Variants in OR10R2 observed in about 807,000 individuals in gnomAD.
OR10R2 encodes olfactory receptor family 10 subfamily R member 2, also known as olfactory receptor 10R2.
OR10R2 carries 1 observed loss-of-function variant against 2.4 expected under a neutral mutation model. That is an observed-to-expected ratio of 0.41 (90% CI 0.15 to 1.95). The LOEUF (loss-of-function observed/expected upper bound fraction) is 1.95, where lower values mean the gene tolerates loss of function less well. Among genes scored for constraint, OR10R2 ranks in the 30% most tolerant of loss-of-function variants. The probability of loss-of-function intolerance (pLI) is 0.30; values close to 1 mark genes in which losing one functional copy is unlikely to be tolerated. For synonymous variants in OR10R2, 166 were observed against 144.8 expected, an observed-to-expected ratio of 1.15 and a Z score of -1.05; for missense variants, 419 against 373.0, an observed-to-expected ratio of 1.12 and a Z score of -1.01.
At chr1:158,472,832 A>C (rs1656189372) in intron 1 of OR10R2, among the ~76,000 whole-genome samples, 1 of 152,206 alleles carries the variant, frequency 6.6e-6, no homozygotes, top group African/African-American at 2.4e-5. Flanking sequence ...CAGAATGGTC[A>C]AAAAGGCTAT....
exon 2 of OR10R2, chr1:158,480,497 T>C: frequency 6.2e-7 from 1 of 1,613,646 alleles, no homozygotes; most frequent in South Asian, 1.1e-5. Flanking sequence ...GTCATTCTTC[T>C]GGCTTGTACC....
intron 1 of OR10R2, among the ~76,000 whole-genome samples, chr1:158,476,361 G>T (rs10797010): frequency 6.6e-6 from 1 of 151,300 alleles, no homozygotes; most frequent in African/African-American, 2.4e-5. Context: ...TCCTGGCTAA[G>T]GCGGTGAAAC....
chr1:158,472,486 G>A (rs558206730), intron 1 of OR10R2, 134 bp downstream of exon 1: 17 of 396,900 alleles, frequency 4.3e-5, no homozygotes, highest in Non-Finnish European at 6.7e-5. Flanking sequence ...TAAGATATAC[G>A]GCAACTGCAT....
chr1:158,479,640 T>G (rs1354895790), intron 1 of OR10R2, among the ~76,000 whole-genome samples: 1 of 152,168 alleles, frequency 6.6e-6, no homozygotes, highest in African/African-American at 2.4e-5. Context: ...GAAAGTCAAC[T>G]GACAATAAAA....
chr1:158,472,411 A>G, intron 1 of OR10R2, 59 bp downstream of exon 1: 1 of 398,942 alleles, frequency 2.5e-6, no homozygotes, highest in Non-Finnish European at 4.4e-6. Flanking sequence ...GATGTGTAAT[A>G]TATTGGGAAT....
intron 1 of OR10R2, among the ~76,000 whole-genome samples, chr1:158,479,387 A>G (rs1477409924): frequency 1.3e-5 from 2 of 152,296 alleles, no homozygotes; most frequent in East Asian, 3.9e-4. Flanking sequence ...CATATATTTT[A>G]TAATTTAACC....
At chr1:158,478,814 C>G (rs1374641635) in intron 1 of OR10R2, among the ~76,000 whole-genome samples, 2 of 152,130 alleles carry the variant, frequency 1.3e-5, no homozygotes, top group Non-Finnish European at 2.9e-5. Context: ...TAGTCATAAT[C>G]TGTTTGCTCA....
intron 1 of OR10R2, among the ~76,000 whole-genome samples, chr1:158,479,274 G>T (rs1178246844): frequency 6.6e-6 from 1 of 152,070 alleles, no homozygotes; most frequent in Non-Finnish European, 1.5e-5. Flanking sequence ...AGCCTGCTGG[G>T]ATTTGTTAAG....
intron 1 of OR10R2, among the ~76,000 whole-genome samples, chr1:158,475,727 C>A (rs944993084): frequency 2.0e-5 from 3 of 151,434 alleles, no homozygotes; most frequent in African/African-American, 7.3e-5. Flanking sequence ...TTATTTTACA[C>A]CAATTGTTGC....
chr1:158,474,158 G>T (rs1571291823), intron 1 of OR10R2, among the ~76,000 whole-genome samples: 1 of 151,876 alleles, frequency 6.6e-6, no homozygotes. Context: ...CTTCTGAGTT[G>T]AACTGTTTCA....
intron 1 of OR10R2, among the ~76,000 whole-genome samples, chr1:158,478,029 A>G (rs1557876211): frequency 1.3e-5 from 2 of 152,174 alleles, no homozygotes; most frequent in Admixed American, 6.6e-5. Flanking sequence ...GATCTTCAAC[A>G]AGGCTGACAA....
chr1:158,476,304 T>C (rs1463694326), intron 1 of OR10R2, among the ~76,000 whole-genome samples: 1 of 151,978 alleles, frequency 6.6e-6, no homozygotes, highest in Non-Finnish European at 1.5e-5. Context: ...CCCCAGCACT[T>C]TGGGAGTCCG....
intron 1 of OR10R2, 97 bp from the exon 2 acceptor site, chr1:158,479,841 T>C (rs1656345846): frequency 7.7e-7 from 1 of 1,302,440 alleles, no homozygotes; most frequent in Admixed American, 2.0e-5. Flanking sequence ...AAGGCAAGAT[T>C]CTTCTTTGTC....
chr1:158,480,443 G>C, exon 2 of OR10R2: 3 of 1,613,968 alleles, frequency 1.9e-6, no homozygotes, highest in Non-Finnish European at 2.5e-6. Flanking sequence ...CTCCCTTTTT[G>C]TAGCGCCAAC....
chr1:158,474,398 G>A (rs772818664), intron 1 of OR10R2: 17 of 152,118 alleles, frequency 1.1e-4, no homozygotes, highest in Non-Finnish European at 2.2e-4. Flanking sequence ...GAATAAATTT[G>A]TTTCTTCTAA....
intron 1 of OR10R2, among the ~76,000 whole-genome samples, chr1:158,479,507 T>C (rs1656335565): frequency 6.6e-6 from 1 of 152,342 alleles, no homozygotes; most frequent in South Asian, 2.1e-4. Context: ...ATATCATTTT[T>C]AGATTTTTTG....
intron 1 of OR10R2, among the ~76,000 whole-genome samples, chr1:158,473,711 TC>T (rs1321415287): frequency 2.0e-5 from 3 of 152,054 alleles, no homozygotes; most frequent in African/African-American, 7.3e-5. Flanking sequence ...TGTCTTTCCT[TC>T]CTTTTTTCTT....
chr1:158,475,183 A>G (rs1245378874), intron 1 of OR10R2, among the ~76,000 whole-genome samples: 1 of 152,174 alleles, frequency 6.6e-6, no homozygotes, highest in Admixed American at 6.5e-5. Context: ...GTCATTCAAT[A>G]CACAATAATC....
intron 1 of OR10R2, among the ~76,000 whole-genome samples, chr1:158,477,049 A>G (rs1326936774): frequency 6.6e-6 from 1 of 152,042 alleles, no homozygotes; most frequent in African/African-American, 2.4e-5. Flanking sequence ...TTTGAAAATC[A>G]ATAAATGTAA....
Sources: gnomAD v4.1 joint callset for allele counts (sites outside exome capture counted in the v4.1 genomes callset) on GRCh38, gnomAD v4.1.1 for gene constraint, MANE v1.5 for transcripts, NCBI Gene and HGNC (gene_info 2026-07-23, HGNC 2026-07-21) for gene names.